Variants in PLK3 observed in about 807,000 individuals in gnomAD.
PLK3 encodes the protein polo like kinase 3.
Under a neutral mutation model 71.6 loss-of-function variants are expected in PLK3, and 41 were observed. The ratio of observed to expected loss-of-function variants is 0.57; its 90% CI spans 0.45 to 0.74. PLK3 has a LOEUF of 0.74. Among genes scored for constraint, PLK3 ranks in the 30% least tolerant of loss-of-function variants. The probability of loss-of-function intolerance (pLI) is 0.00; values close to 1 mark genes in which losing one functional copy is unlikely to be tolerated. For missense variants in PLK3, 791 were observed against 875.6 expected (o/e 0.90, Z 1.22); for synonymous variants, 366 against 355.4 (o/e 1.03, Z -0.33).
intron 5 of PLK3, among the ~76,000 whole-genome samples, chr1:44,802,153 T>G (rs1373463694): frequency 6.6e-6 from 1 of 151,656 alleles, no homozygotes; most frequent in Admixed American, 6.6e-5. Flanking sequence ...ACAGATAGGG[T>G]AGGTGACTCT....
intron 13 of PLK3, 69 bp from the exon 14 acceptor site, chr1:44,805,197 A>G: frequency 3.0e-6 from 3 of 991,806 alleles, no homozygotes; most frequent in Non-Finnish European, 4.9e-6. Context: ...GCTAGAGGAT[A>G]AGGCATACAC....
chr1:44,800,378 C>T lies in PLK3; in HGVS notation c.-86C>T. ...CGCTGGGCTCCCCTGGGCGCCAGCG[C>T]AGCGTAGCAAATCCAGGCAGCGCCA... is the stretch of plus-strand genomic sequence containing the variant. On this transcript the variant is annotated 5_prime_UTR_variant, in exon 1 of 15. Transcript: ENST00000372201. The surrounding 1 kb of genome is among the most constrained non-coding windows in gnomAD (Gnocchi z 6.5). 8.2e-7 allele frequency: 1 copy of T among 1,216,500 alleles called. No homozygotes were observed. The highest frequency in any genetic ancestry group is 2.9e-5 in the South Asian group (1 of 34,042). 75.4% of individuals were successfully genotyped at this position (1,216,500 alleles called of 1,614,324 possible).
rs764652183 is a variant in PLK3, at chr1:44,804,442, C to G, written c.1446C>G (p.Ser482Arg). The change falls in exon 12 of 15, where the codon AGC (serine) becomes AGG (arginine). Residue 482 changes from serine to arginine, a missense_variant. Transcript: ENST00000372201. ...NKFGFGYQLS[S>R]RRVAVLFNDG... Reference sequence around the variant, plus strand: ...TCGGCTTTGGGTATCAACTGTCCAGCCGCCGTGTGGCTGTGCTCTTCAACG... The same window carrying G: ...TCGGCTTTGGGTATCAACTGTCCAGGCGCCGTGTGGCTGTGCTCTTCAACG... The G allele has an allele frequency of 6.2e-7, 1 of 1,614,204 alleles. No homozygotes were observed. Among genetic ancestry groups the G allele is most frequent in the South Asian group, 1.1e-5 (1 of 91,088 alleles).
In PLK3 at chr1:44,805,532, G is replaced by A; in HGVS notation, c.1795G>A (p.Glu599Lys). ...DHTKLILSGW[E>K]PLLVTFVARN... is the part of the protein sequence containing the mutation. ...CACCAAGCTGATTCTCAGTGGCTGG[G>A]AGCCCCTCCTTGTGACTTTTGTGGC... Residue 599 changes from glutamate to lysine, a missense_variant, in exon 15 of 15, where the codon GAG (glutamate) becomes AAG (lysine). Glu to Lys is a moderately conservative substitution (Grantham distance 56). Coordinates refer to ENST00000372201, the MANE Select transcript of PLK3 (RefSeq NM_004073.4). 1.9e-6 allele frequency: 3 copies of A among 1,614,216 alleles called. No homozygotes were observed. The highest frequency in any genetic ancestry group is 1.7e-6 in the Non-Finnish European group (2 of 1,180,022).
rs773103069 is a variant in PLK3 at position 44,800,968 on chromosome 1, C to T, written c.318+21C>T. 2.5e-5 allele frequency: 41 copies of T among 1,609,878 alleles called. No individual in the cohort carries two copies. Among genetic ancestry groups the T allele is most frequent in the Non-Finnish European group, 3.4e-5 (40 of 1,176,990 alleles). On this transcript the variant is annotated intron_variant, in intron 2 of 14. Transcript: ENST00000372201. This position sits in a 1 kb window ranked among gnomAD's most constrained non-coding sequence, Gnocchi z 6.5. ...AGAAGGTGGGTCCAGGCTCAGCGGG[C>T]GAGGGGTGGGGTGGGGACGGTGGCA...
At position 44,803,463 on chromosome 1, in the gene PLK3, T is replaced by G; in HGVS notation, c.1072+72T>G. ...GCTTGTCACATTTGTCTTGGGTGTG[T>G]GAGTGTGGGTGCCTGGAAACTCCTG... On this transcript the variant is annotated intron_variant, in intron 8 of 14. Coordinates refer to ENST00000372201, the MANE Select transcript of PLK3 (RefSeq NM_004073.4). This position sits in a 1 kb window ranked among gnomAD's most constrained non-coding sequence, Gnocchi z 4.3. 1 of 1,603,590 alleles carries G rather than the reference T, an allele frequency of 6.2e-7. No homozygotes were observed. The highest frequency in any genetic ancestry group is 8.5e-7 in the Non-Finnish European group (1 of 1,172,662).
At position 44,805,558 on chromosome 1, in the gene PLK3, C is replaced by G. The variant is rs753219146; in HGVS notation, c.1821C>G (p.Ala607=). 1 of 1,614,178 alleles carries G rather than the reference C, an allele frequency of 6.2e-7. No homozygotes were observed. Among genetic ancestry groups the G allele is most frequent in the Non-Finnish European group, 8.5e-7 (1 of 1,180,004 alleles). ...GWEPLLVTFV[A]RNRSACTYLA... is the part of the protein sequence containing the mutation. ...AGCCCCTCCTTGTGACTTTTGTGGC[C>G]CGAAATCGTAGTGCTTGTACTTACC... Residue 607 remains alanine (A), a synonymous_variant, in exon 15 of 15, where the codon GCC becomes GCG. Coordinates refer to ENST00000372201, the MANE Select transcript of PLK3 (RefSeq NM_004073.4).
At position 44,805,951 on chromosome 1, in the gene PLK3, A is replaced by AG. The variant is rs1471552456; in HGVS notation, c.*279dup. 4.0e-6 allele frequency: 6 copies of AG among 1,508,384 alleles called. No homozygotes were observed. The highest frequency in any genetic ancestry group is 5.3e-6 in the Non-Finnish European group (6 of 1,128,802). 93.4% of individuals were successfully genotyped at this position (1,508,384 alleles called of 1,614,324 possible). On this transcript the variant is annotated 3_prime_UTR_variant, in exon 15 of 15. Coordinates refer to ENST00000372201, the MANE Select transcript of PLK3 (RefSeq NM_004073.4). ...ACTTATTTATTGGGATGTGAGCCCC[A>AG]GGGGGGCCTCCTCCTAGGATAATAA... is the stretch of plus-strand genomic sequence containing the variant.
At position 44,805,888 on chromosome 1, in the gene PLK3, G is replaced by A; in HGVS notation, c.*210G>A. 1 of 1,437,768 alleles carries A rather than the reference G, an allele frequency of 7.0e-7. No homozygotes were observed. Among genetic ancestry groups the A allele is most frequent in the Non-Finnish European group, 9.2e-7 (1 of 1,085,296 alleles). 89.1% of individuals were successfully genotyped at this position (1,437,768 alleles called of 1,614,324 possible). On this transcript the variant is annotated 3_prime_UTR_variant, in exon 15 of 15. Coordinates refer to ENST00000372201, the MANE Select transcript of PLK3 (RefSeq NM_004073.4). ...GCCTGAGCCTTAGCTCCCAGCTAGG[G>A]GGCGTTATTTATGGACCACTTTTAT...
Position 44,802,780 on chromosome 1 carries a change from A to G in PLK3, c.674A>G (p.Asn225Ser). ...QRKKTICGTPNYVAPEVLLRQ... is the reference protein window; with the variant it reads ...QRKKTICGTPSYVAPEVLLRQ... ...TTCAGGACCATCTGTGGCACCCCCA[A>G]CTATGTGGCTCCAGAAGTGCTGCTG... Residue 225 changes from asparagine (N) to serine (S), a missense_variant, in exon 6 of 15, where the codon AAC becomes AGC. Coordinates refer to ENST00000372201, the MANE Select transcript of PLK3 (RefSeq NM_004073.4). 6.2e-7 allele frequency: 1 copy of G among 1,613,462 alleles called. No individual in the cohort carries two copies.
In PLK3 at chr1:44,801,160, A is replaced by AAAGG; in HGVS notation, c.435+8_435+9insAAGG. On this transcript the variant is annotated intron_variant, in intron 3 of 14. Transcript: ENST00000372201. ...GAGCTCTGCAGCCGAAAGGTGAAAG[A>AAAGG]TGGTGATTCCCGCAGGGATGAGAGT... 1 of 1,255,890 alleles carries AAAGG rather than the reference A, an allele frequency of 8.0e-7. No homozygotes were observed. The highest frequency in any genetic ancestry group is 1.5e-5 in the African/African-American group (1 of 66,310). The allele number at this position is 1,255,890 out of a possible 1,614,324, so 77.8% of individuals were successfully genotyped here. A position where few individuals can be genotyped will look rare whatever the true frequency, so the allele number is the denominator to read the frequency against.
At position 44,800,733 on chromosome 1, in the gene PLK3, T is replaced by C; in HGVS notation, c.210+60T>C. On this transcript the variant is annotated intron_variant, in intron 1 of 14. Transcript: ENST00000372201. The surrounding 1 kb of genome is among the most constrained non-coding windows in gnomAD (Gnocchi z 6.5). ...GGAGGTGGGGGTCCCGGCCGGCCTC[T>C]TTTCTGGCGCCGAGCAGGGCGTGGG... The C allele has an allele frequency of 6.5e-7, 1 of 1,534,628 alleles. No homozygotes were observed. Among genetic ancestry groups the C allele is most frequent in the Non-Finnish European group, 8.8e-7 (1 of 1,141,972 alleles).
intron 3 of PLK3, 52 bp downstream of exon 3, chr1:44,801,204 T>C (rs891525174): frequency 6.6e-6 from 1 of 152,420 alleles, no homozygotes; most frequent in Non-Finnish European, 1.0e-5. Flanking sequence ...GAAGACAGTC[T>C]TTTTTTTTTT....
At position 44,805,308 on chromosome 1, in the gene PLK3, C is replaced by A; in HGVS notation, c.1678C>A (p.Pro560Thr). 1 of 1,614,022 alleles carries A rather than the reference C, an allele frequency of 6.2e-7. No individual in the cohort carries two copies. Among genetic ancestry groups the A allele is most frequent in the Non-Finnish European group, 8.5e-7 (1 of 1,179,934 alleles). The change falls in exon 14 of 15, where the codon CCG (proline) becomes ACG (threonine). Residue 560 changes from proline to threonine, a missense_variant. By Grantham distance (38) the Pro-to-Thr change is conservative. Coordinates refer to ENST00000372201, the MANE Select transcript of PLK3 (RefSeq NM_004073.4). ...TGTGGAAGAGGTAGAGGTACCTGCT[C>A]CGCCCTTGCTGCTGCAGTGGGTCAA... ...PSVEEVEVPAPPLLLQWVKTD... is the reference protein window; with the variant it reads ...PSVEEVEVPATPLLLQWVKTD...
Position 44,804,701 on chromosome 1 carries a change from T to G in PLK3, c.1557T>G (p.Gly519=). ...TSTKHFSFSV[G]AVPRALQPQL... ...CAAAGCACTTCTCCTTCTCCGTGGG[T>G]GCTGTGCCCCGGGCCCTGCAGCCTC... Residue 519 remains glycine (G), a synonymous_variant, in exon 13 of 15, where the codon GGT becomes GGG. Coordinates refer to ENST00000372201, the MANE Select transcript of PLK3 (RefSeq NM_004073.4). 6.2e-7 allele frequency: 1 copy of G among 1,613,936 alleles called. No individual in the cohort carries two copies. Among genetic ancestry groups the G allele is most frequent in the Non-Finnish European group, 8.5e-7 (1 of 1,179,828 alleles).
chr1:44,800,775 C>G lies in PLK3; in HGVS notation c.211-65C>G. The G allele has an allele frequency of 3.2e-6, 5 of 1,549,250 alleles. No individual in the cohort carries two copies. Among genetic ancestry groups the G allele is most frequent in the Non-Finnish European group, 4.4e-6 (5 of 1,147,266 alleles). On this transcript the variant is annotated intron_variant, in intron 1 of 14. Transcript: ENST00000372201. The surrounding 1 kb of genome is among the most constrained non-coding windows in gnomAD (Gnocchi z 6.5). The stretch of plus-strand genomic sequence containing the variant: ...GGGCGTGGGCACTTGACCCCCAACG[C>G]GGGGACGCCCGCGGGCCAGACTCGG...
Position 44,800,616 on chromosome 1 carries a change from C to G in PLK3, c.153C>G (p.Arg51=). 1 of 1,541,070 alleles carries G rather than the reference C, an allele frequency of 6.5e-7. No homozygotes were observed. The highest frequency in any genetic ancestry group is 1.2e-5 in the South Asian group (1 of 83,976). Residue 51 remains arginine, a synonymous_variant, in exon 1 of 15, where the codon CGC becomes CGG. Transcript: ENST00000372201. This position sits in a 1 kb window ranked among gnomAD's most constrained non-coding sequence, Gnocchi z 6.5. ...GGCTACCGACGTCAGACCCCGGGCG[C>G]CTCATCACGGACCCGCGCAGCGGCC... ...LAGLPTSDPG[R]LITDPRSGRT...
rs745827426 is a variant in PLK3, at chr1:44,804,223, A to G, written c.1319A>G (p.Asn440Ser). 1.2e-6 allele frequency: 2 copies of G among 1,613,948 alleles called. No individual in the cohort carries two copies. The highest frequency in any genetic ancestry group is 2.7e-5 in the African/African-American group (2 of 75,012). Residue 440 changes from asparagine (N) to serine (S), a missense_variant, in exon 11 of 15, where the codon AAT becomes AGT. Coordinates refer to ENST00000372201, the MANE Select transcript of PLK3 (RefSeq NM_004073.4). ...GAGTCAGCCCTTTGTGCTCTGAGAA[A>G]TTGTATAGCCTTCATGCCCCCAGGT... is the stretch of plus-strand genomic sequence containing the variant. ...VVESALCALRNCIAFMPPAEQ... is the reference protein window; with the variant it reads ...VVESALCALRSCIAFMPPAEQ...
chr1:44,804,780 G>A lies in PLK3; in HGVS notation c.1635+1G>A, dbSNP rs1293541155. On this transcript the variant is annotated splice_donor_variant, in intron 13 of 14. Transcript: ENST00000372201. LOFTEE classifies it high-confidence loss of function. ...CTACATGGAGCAGCACCTCATGAAG[G>A]TGTGAGGGCTGGGGCTGTGGTACAT... 6.2e-7 allele frequency: 1 copy of A among 1,613,744 alleles called. No individual in the cohort carries two copies.
Sources: gnomAD v4.1 joint callset for allele counts (sites outside exome capture counted in the v4.1 genomes callset) on GRCh38, gnomAD v4.1.1 for gene constraint, Gnocchi (gnomAD v3.1) non-coding constraint, MANE v1.5 for transcripts, NCBI Gene and HGNC (gene_info 2026-07-23, HGNC 2026-07-21) for gene names.